Variants in ABCB1 observed in about 807,000 individuals in gnomAD.
ABCB1 encodes the protein ATP-dependent translocase ABCB1.
In ABCB1, 69 loss-of-function variants were observed where a neutral mutation model predicts 142.0. The observed-to-expected ratio is 0.49, with a 90% CI of 0.40 to 0.59. ABCB1 has a LOEUF of 0.59. Ranked by LOEUF, ABCB1 falls within the 20% of genes least tolerant of loss-of-function variation. The probability of loss-of-function intolerance (pLI) is 0.00; values close to 1 mark genes in which losing one functional copy is unlikely to be tolerated. For synonymous variants in ABCB1, 532 were observed against 539.2 expected, an observed-to-expected ratio of 0.99 and a Z score of 0.18; for missense variants, 1,326 against 1,554.7, an observed-to-expected ratio of 0.85 and a Z score of 2.47.
intron 1 of ABCB1, among the ~76,000 whole-genome samples, 157 bp from the exon 2 acceptor site, chr7:87,600,347 G>A (rs1327963449): frequency 6.6e-6 from 1 of 152,252 alleles, no homozygotes. Context: ...CACTGCAGGG[G>A]CTTTCCTGTG....
At chr7:87,624,565 T>C (rs1820339444) in intron 1 of ABCB1, among the ~76,000 whole-genome samples, 1 of 152,228 alleles carries the variant, frequency 6.6e-6, no homozygotes, top group Non-Finnish European at 1.5e-5. Flanking sequence ...AATTTAGGTA[T>C]CTACTGTTTT....
chr7:87,595,736 T>C, intron 3 of ABCB1, 30 bp downstream of exon 3: 1 of 1,549,032 alleles, frequency 6.5e-7, no homozygotes, highest in Non-Finnish European at 8.9e-7. Context: ...TTCCGAAGTA[T>C]TTTGAATAGT....
At chr7:87,522,158 GT>G (rs1815541468) in intron 21 of ABCB1, 1 of 1,453,094 alleles carries the variant, frequency 6.9e-7, no homozygotes, top group African/African-American at 1.4e-5. Flanking sequence ...GGCAGCTGTG[GT>G]GGTGGTGGAT....
intron 1 of ABCB1, among the ~76,000 whole-genome samples, chr7:87,692,835 C>T (rs1032563263): frequency 2.0e-5 from 3 of 152,138 alleles, no homozygotes; most frequent in African/African-American, 7.2e-5. Context: ...CTAATATGAG[C>T]TTTAACTGTC....
chr7:87,694,373 C>T (rs561197439), intron 1 of ABCB1, among the ~76,000 whole-genome samples: 1 of 152,140 alleles, frequency 6.6e-6, no homozygotes, highest in South Asian at 2.1e-4. Context: ...AGAATGCATG[C>T]CTTTATTTAC....
At chr7:87,679,773 A>G (rs1207007414) in intron 1 of ABCB1, among the ~76,000 whole-genome samples, 1 of 150,476 alleles carries the variant, frequency 6.6e-6, no homozygotes, top group Non-Finnish European at 1.5e-5. Context: ...GGAACATTAA[A>G]AAAGATCTTA....
chr7:87,511,084 TTTC>T (rs906968777), intron 25 of ABCB1, among the ~76,000 whole-genome samples: 14 of 152,104 alleles, frequency 9.2e-5, no homozygotes, highest in African/African-American at 2.9e-4. Context: ...TTATAATGAG[TTTC>T]TTCATTACAC....
intron 1 of ABCB1, among the ~76,000 whole-genome samples, chr7:87,631,540 G>A (rs1195270471): frequency 1.3e-5 from 2 of 152,084 alleles, no homozygotes; most frequent in African/African-American, 4.8e-5. Flanking sequence ...ACAGGCGCCC[G>A]CCACCACGCC....
chr7:87,539,179 G>C, intron 19 of ABCB1, 89 bp downstream of exon 19: 1 of 1,396,748 alleles, frequency 7.2e-7, no homozygotes, highest in Non-Finnish European at 1.0e-6. Flanking sequence ...CTAGGCCTGG[G>C]AAACATGACA....
chr7:87,514,555 C>G (rs1042757134), intron 25 of ABCB1, among the ~76,000 whole-genome samples: 1 of 152,136 alleles, frequency 6.6e-6, no homozygotes, highest in African/African-American at 2.4e-5. Context: ...ATGATTTTGT[C>G]TCATCCCCAG....
Position 87,566,208 on chromosome 7 carries a change from G to C in ABCB1, c.564C>G (p.Asp188Glu), listed in dbSNP as rs143782625. ...DVSKINEGIGDKIGMFFQSMA... is the reference protein window; with the variant it reads ...DVSKINEGIGEKIGMFFQSMA... ...TTGACTGAAAGAACATTCCAATTTT[G>C]TCACCAATTCCTTCATTAATCTTGG... Residue 188 changes from aspartate to glutamate, a missense_variant, in exon 7 of 28, where the codon GAC (aspartate) becomes GAG (glutamate). Asp to Glu is a conservative substitution (Grantham distance 45). Transcript: ENST00000622132. 122 of 1,613,916 alleles carry C rather than the reference G, an allele frequency of 7.6e-5. No homozygotes were observed. Among genetic ancestry groups the C allele is most frequent in the Non-Finnish European group, 9.5e-5 (112 of 1,179,942 alleles).
chr7:87,504,245 A>C lies in ABCB1; in HGVS notation c.3841T>G (p.Ter1281GlyextTer5). The C allele has an allele frequency of 6.2e-7, 1 of 1,614,154 alleles. No individual in the cohort carries two copies. Among genetic ancestry groups the C allele is most frequent in the Non-Finnish European group, 8.5e-7 (1 of 1,180,028 alleles). ...TTAACATCTCATACAGTCAGAGTTC[A>C]CTGGCGCTTTGTTCCAGCCTGGACA... ...VSVQAGTKRQ[*>G] Residue 1281 changes from the stop codon to glycine, a stop_lost, in exon 28 of 28, where the codon TGA becomes GGA. Transcript: ENST00000622132.
chr7:87,621,344 T>C (rs189382915), intron 1 of ABCB1, among the ~76,000 whole-genome samples: 2 of 152,250 alleles, frequency 1.3e-5, no homozygotes, highest in East Asian at 3.9e-4. Context: ...AATCCAGCAG[T>C]AGACTAAAAT....
intron 19 of ABCB1, among the ~76,000 whole-genome samples, chr7:87,537,661 T>C (rs896532991): frequency 1.3e-5 from 2 of 152,298 alleles, no homozygotes; most frequent in South Asian, 4.1e-4. Context: ...ATAGAGAGGT[T>C]GAATAAGCAG....
chr7:87,557,091 A>T (rs1168476998), intron 8 of ABCB1, among the ~76,000 whole-genome samples: 1 of 151,970 alleles, frequency 6.6e-6, no homozygotes, highest in Non-Finnish European at 1.5e-5. Flanking sequence ...TAACTTGACC[A>T]TTCATCATCC....
chr7:87,563,294 T>C, intron 7 of ABCB1: 1 of 367,488 alleles, frequency 2.7e-6, no homozygotes, highest in South Asian at 2.1e-5. Flanking sequence ...GTGGAGGGAC[T>C]CCTCTCTGAC....
In ABCB1 at chr7:87,625,287, C is replaced by T. The variant is rs140274760; in HGVS notation, c.-330-24209G>A. ...AAAAAAAGAAAAAAGAAAAATAACA[C>T]GATTACCTCATCATTTAAGATGGAG... is the stretch of plus-strand genomic sequence containing the variant. On this transcript the variant is annotated intron_variant, in intron 1 of 28. Coordinates refer to the ABCB1 transcript ENST00000265724. Among the ~76,000 whole-genome samples the T allele has an allele frequency of 8.4e-3, 1,280 of 151,868 alleles. 13 individuals are homozygous for T. Among genetic ancestry groups the T allele is most frequent in the African/African-American group, 0.03 (1,225 of 41,462 alleles).
intron 4 of ABCB1, among the ~76,000 whole-genome samples, chr7:87,581,058 T>A (rs1818485944): frequency 6.6e-6 from 1 of 151,968 alleles, no homozygotes; most frequent in Non-Finnish European, 1.5e-5. Context: ...GAGGGGGGGA[T>A]GATTTCTGGA....
chr7:87,634,064 C>A (rs568200844), intron 1 of ABCB1, among the ~76,000 whole-genome samples: 1 of 152,162 alleles, frequency 6.6e-6, no homozygotes, highest in African/African-American at 2.4e-5. Context: ...ACCCAAAGGG[C>A]ATTCTGGTTT....
Sources: allele counts gnomAD v4.1 joint callset (sites outside exome capture counted in the v4.1 genomes callset), GRCh38; gene constraint gnomAD v4.1.1; transcripts MANE v1.5; gene names NCBI Gene and HGNC (gene_info 2026-07-23, HGNC 2026-07-21).